Variants in IGFBP3 observed in about 807,000 individuals in gnomAD.
IGFBP3 encodes insulin-like growth factor-binding protein 3.
Under a neutral mutation model 28.6 loss-of-function variants are expected in IGFBP3, and 9 were observed. That is an observed-to-expected ratio of 0.31 (90% confidence interval 0.19 to 0.55). The LOEUF (loss-of-function observed/expected upper bound fraction) is 0.55. IGFBP3 is among the 20% of genes least tolerant of loss of function. The pLI is 0.93. For missense variants in IGFBP3, 382 were observed against 428.9 expected, an observed-to-expected ratio of 0.89 and a Z score of 0.97; for synonymous variants, 185 against 188.2, an observed-to-expected ratio of 0.98 and a Z score of 0.14.
chr7:45,916,871 G>A lies in IGFBP3; in HGVS notation c.631-204C>T, dbSNP rs933772172. 3 of 574,712 alleles carry A rather than the reference G, an allele frequency of 5.2e-6. No homozygotes were observed. The African/African-American group carries it at 5.6e-5, about 11-fold the overall frequency. The allele number at this position is 574,712 out of a possible 1,614,324, so 35.6% of individuals were successfully genotyped here. A position where few individuals can be genotyped will look rare whatever the true frequency, so the allele number is the denominator to read the frequency against. On this transcript the variant is annotated intron_variant, in intron 2 of 4. Coordinates refer to ENST00000613132, the MANE Select transcript of IGFBP3 (RefSeq NM_000598.5). ...TCCTTTTTGCTCTTCCCAGAGTAAG[G>A]CACAGAAGCTGGTATGGAACCAATA...
intron 1 of IGFBP3, chr7:45,920,378 T>C (rs923057249): frequency 3.9e-6 from 1 of 259,502 alleles, no homozygotes; most frequent in Non-Finnish European, 7.2e-6. Context: ...TCCCTGGGAT[T>C]GCAGTCCGTG....
intron 4 of IGFBP3, 41 bp from the exon 5 acceptor site, chr7:45,913,875 C>A (rs1316389104): frequency 6.6e-6 from 1 of 152,130 alleles, no homozygotes; most frequent in East Asian, 1.9e-4. Context: ...AATAATCCCC[C>A]CAAAATCAAA....
At chr7:45,915,017 A>G in intron 3 of IGFBP3, 72 bp from the exon 4 acceptor site, 2 of 1,567,238 alleles carry the variant, frequency 1.3e-6, no homozygotes, top group Admixed American at 1.7e-5. Flanking sequence ...GCCAGGGCGC[A>G]TGATGGTTTG....
At chr7:45,917,577 A>G in intron 1 of IGFBP3, 138 bp from the exon 2 acceptor site, 1 of 604,346 alleles carries the variant, frequency 1.7e-6, no homozygotes, top group Non-Finnish European at 2.9e-6. Context: ...TTTTTTTAAA[A>G]TACCTCGATG....
At chr7:45,919,472 T>A (rs562831874) in intron 1 of IGFBP3, among the ~76,000 whole-genome samples, 2 of 152,318 alleles carry the variant, frequency 1.3e-5, no homozygotes, top group East Asian at 3.9e-4. Flanking sequence ...TGCCTTTCCA[T>A]GAATCCAGCA....
intron 1 of IGFBP3, 98 bp from the exon 2 acceptor site, chr7:45,917,537 C>A: frequency 1.0e-6 from 1 of 977,766 alleles, no homozygotes; most frequent in Non-Finnish European, 1.5e-6. Flanking sequence ...ATGTAAATGA[C>A]AATATTAGTT....
intron 1 of IGFBP3, chr7:45,920,496 T>G (rs1427372865): frequency 7.6e-6 from 3 of 396,774 alleles, no homozygotes; most frequent in Non-Finnish European, 1.3e-5. Context: ...CCATTTTCAC[T>G]GAAAGCGCTT....
chr7:45,914,602 CTT>C, intron 4 of IGFBP3: 1 of 485,334 alleles, frequency 2.1e-6, no homozygotes, highest in Non-Finnish European at 3.7e-6. Flanking sequence ...CTTCCCCACA[CTT>C]GTTTGGTTGG....
chr7:45,916,523 A>G (rs550238797), intron 3 of IGFBP3, 25 bp downstream of exon 3: 3 of 1,603,266 alleles, frequency 1.9e-6, no homozygotes, highest in Non-Finnish European at 1.7e-6. Context: ...GAAGAGGAAG[A>G]AAACACACTG....
In IGFBP3 at chr7:45,914,565, T is replaced by C. The variant is rs1784583372; in HGVS notation, c.*15+240A>G. The C allele has an allele frequency of 2.5e-5, 9 of 366,774 alleles. No homozygotes were observed. In the South Asian group the frequency reaches 3.7e-4, roughly 15 times the overall value. The allele number at this position is 366,774 out of a possible 1,614,324, so 22.7% of individuals were successfully genotyped here. A position where few individuals can be genotyped will look rare whatever the true frequency, so the allele number is the denominator to read the frequency against. On this transcript the variant is annotated intron_variant, in intron 4 of 4. Coordinates refer to ENST00000613132, the MANE Select transcript of IGFBP3 (RefSeq NM_000598.5). ...GTGAGGTATCTGAGATAAAGCAGAG[T>C]GTCCCTGAGGTGCACTGGCCGGCCT...
intron 3 of IGFBP3, 120 bp downstream of exon 3, chr7:45,916,428 C>T (rs527899847): frequency 2.1e-6 from 2 of 953,794 alleles, no homozygotes; most frequent in Non-Finnish European, 3.1e-6. Context: ...AAGTCCTGGG[C>T]ACTGGTGCTG....
rs35712717 is a variant in IGFBP3, at chr7:45,916,598, C to T, written c.700G>A (p.Gly234Ser). ...LKFLNVLSPR[G>S]VHIPNCDKKG... ...TTGTCACAGTTGGGAATGTGTACAC[C>T]CCTGGGACTCAGCACATTGAGGAAC... Residue 234 changes from glycine to serine, a missense_variant, in exon 3 of 5, where the codon GGT becomes AGT. Coordinates refer to ENST00000613132, the MANE Select transcript of IGFBP3 (RefSeq NM_000598.5). The T allele has an allele frequency of 1.6e-3, 2,544 of 1,613,226 alleles. 29 individuals are homozygous for T. In the African/African-American group the frequency reaches 0.03, roughly 19 times the overall value.
rs138274919 is a variant in IGFBP3, at chr7:45,912,394, T to C, written c.*1456A>G. The C allele has an allele frequency of 1.6e-3, 251 of 152,206 alleles. 1 individual carries two copies. Among genetic ancestry groups the C allele is most frequent in the African/African-American group, 5.8e-3 (240 of 41,538 alleles). 9.4% of individuals were successfully genotyped at this position (152,206 alleles called of 1,614,324 possible). On this transcript the variant is annotated 3_prime_UTR_variant, in exon 5 of 5. Transcript: ENST00000613132. Reference sequence around the variant, plus strand: ...ACTTTATTTACTATTTATAAATACATTGCAAGACAAACTTCTCAAAAATAC... The same window carrying C: ...ACTTTATTTACTATTTATAAATACACTGCAAGACAAACTTCTCAAAAATAC...
rs1005859233 is a variant in IGFBP3 at position 45,921,260 on chromosome 7, A to C, written c.-120T>G. On this transcript the variant is annotated 5_prime_UTR_variant, in exon 1 of 5. Coordinates refer to ENST00000613132, the MANE Select transcript of IGFBP3 (RefSeq NM_000598.5). ...CGGCTGATCCTCAGCGCCCAGCCGC[A>C]GTGCTCGCATCTGGGCGGCCCGGGC... 9.0e-6 allele frequency: 11 copies of C among 1,220,778 alleles called. No individual in the cohort carries two copies. In the Admixed American group the frequency reaches 2.3e-4, roughly 26 times the overall value. 75.6% of individuals were successfully genotyped at this position (1,220,778 alleles called of 1,614,324 possible).
intron 1 of IGFBP3, chr7:45,920,467 A>G (rs1441265058): frequency 5.3e-6 from 2 of 375,438 alleles, no homozygotes; most frequent in African/African-American, 2.1e-5. Context: ...CGCTCCCCTC[A>G]GCTCCGGAAA....
intron 1 of IGFBP3, 110 bp from the exon 2 acceptor site, chr7:45,917,549 G>T: frequency 1.2e-6 from 1 of 845,118 alleles, no homozygotes; most frequent in Non-Finnish European, 1.7e-6. Context: ...ATATTAGTTG[G>T]CAATCCAAGT....
In IGFBP3 at chr7:45,917,194, C is replaced by A; in HGVS notation, c.630+19G>T. 3 of 1,589,340 alleles carry A rather than the reference C, an allele frequency of 1.9e-6. No individual in the cohort carries two copies. The highest frequency in any genetic ancestry group is 8.6e-7 in the Non-Finnish European group (1 of 1,157,668). The stretch of plus-strand genomic sequence containing the variant: ...GGCAGGTCTTGCCCTCCTCCTTTAA[C>A]AAGAGGAAAAGCTCTCACATATTCT... On this transcript the variant is annotated intron_variant, in intron 2 of 4. Coordinates refer to ENST00000613132, the MANE Select transcript of IGFBP3 (RefSeq NM_000598.5).
intron 4 of IGFBP3, chr7:45,914,150 T>C (rs1055085233): frequency 1.3e-5 from 2 of 152,210 alleles, no homozygotes; most frequent in Admixed American, 6.5e-5. Flanking sequence ...AGAAAATGTA[T>C]TTATTCCTTT....
chr7:45,913,759 G>A lies in IGFBP3; in HGVS notation c.*91C>T, dbSNP rs910731637. 7.2e-5 allele frequency: 11 copies of A among 152,512 alleles called. No individual in the cohort carries two copies. Among genetic ancestry groups the A allele is most frequent in the African/African-American group, 2.4e-4 (10 of 41,432 alleles). The allele number at this position is 152,512 out of a possible 1,614,324, so 9.4% of individuals were successfully genotyped here. On this transcript the variant is annotated 3_prime_UTR_variant, in exon 5 of 5. Transcript: ENST00000613132. ...TTCACCACAAACAGAAATATAAATC[G>A]AGGCTGTAGCCAGCTGCTGGTCATG...
Sources: allele counts gnomAD v4.1 joint callset (sites outside exome capture counted in the v4.1 genomes callset), GRCh38; gene constraint gnomAD v4.1.1; transcripts MANE v1.5; gene names NCBI Gene and HGNC (gene_info 2026-07-23, HGNC 2026-07-21).